The following PAPPA2 variants were observed in gnomAD, a reference collection of about 807,000 sequenced individuals.
The protein encoded by PAPPA2 is pappalysin 2, also known as pappalysin-2.
Under a neutral mutation model 176.4 loss-of-function variants are expected in PAPPA2, and 86 were observed. The observed-to-expected ratio is 0.49, with a 90% CI of 0.41 to 0.58. The LOEUF (loss-of-function observed/expected upper bound fraction) is 0.58. PAPPA2 is among the 20% of genes least tolerant of loss of function. The pLI is 0.00. For synonymous variants in PAPPA2, 809 were observed against 852.2 expected, an observed-to-expected ratio of 0.95 and a Z score of 0.88; for missense variants, 2,073 against 2,256.9, an observed-to-expected ratio of 0.92 and a Z score of 1.65.
At position 176,702,564 on chromosome 1, in the gene PAPPA2, C is replaced by T. The variant is rs558096806; in HGVS notation, c.3237-43C>T. On this transcript the variant is annotated intron_variant, in intron 8 of 22. Coordinates refer to ENST00000367662, the MANE Select transcript of PAPPA2 (RefSeq NM_020318.3). ...TCAACAAAGGACCCAGGGCATGCCT[C>T]ACTTTGTGGCTGTAGTGGTCACAAA... 24 of 1,606,452 alleles carry T rather than the reference C, an allele frequency of 1.5e-5. No homozygotes were observed. The East Asian group carries it at 2.2e-4, about 15-fold the overall frequency.
intron 1 of PAPPA2, among the ~76,000 whole-genome samples, chr1:176,524,072 A>T (rs896087818): frequency 1.3e-5 from 2 of 152,096 alleles, no homozygotes; most frequent in Admixed American, 6.5e-5. Flanking sequence ...TCCTTGAAGA[A>T]TTTTCAAGCT....
chr1:176,481,661 T>C (rs551006447), intron 1 of PAPPA2, among the ~76,000 whole-genome samples: 18 of 152,330 alleles, frequency 1.2e-4, no homozygotes, highest in Admixed American at 1.1e-3. Flanking sequence ...CTATGACTTA[T>C]ACTCCTCTGA....
At chr1:176,617,647 C>CATATAT (rs150600721) in intron 3 of PAPPA2, among the ~76,000 whole-genome samples, 103 of 147,910 alleles carry the variant, frequency 7.0e-4, no homozygotes, top group African/African-American at 2.2e-3. Context: ...TTCCATGGCG[C>CATATAT]ATATATATAT....
chr1:176,634,622 C>G (rs1015137865), intron 3 of PAPPA2, among the ~76,000 whole-genome samples: 6 of 150,914 alleles, frequency 4.0e-5, no homozygotes, highest in Non-Finnish European at 8.9e-5. Context: ...AAAAAAAACA[C>G]TTGAACCCAG....
At chr1:176,687,629 C>T (rs12084207) in intron 4 of PAPPA2, among the ~76,000 whole-genome samples, 2 of 152,208 alleles carry the variant, frequency 1.3e-5, no homozygotes, top group South Asian at 2.1e-4. Context: ...TTTTCTTTAT[C>T]TATAATTGAA....
chr1:176,470,872 T>C (rs1351186763), intron 1 of PAPPA2, among the ~76,000 whole-genome samples: 1 of 145,438 alleles, frequency 6.9e-6, no homozygotes, highest in East Asian at 2.0e-4. Flanking sequence ...TCAGTGGATT[T>C]TTTTTTTTAA....
At chr1:176,477,611 G>A (rs973754590) in intron 1 of PAPPA2, among the ~76,000 whole-genome samples, 5 of 152,042 alleles carry the variant, frequency 3.3e-5, no homozygotes, top group Non-Finnish European at 7.4e-5. Flanking sequence ...TGGGAGTGGT[G>A]GTGTGTGCCT....
intron 2 of PAPPA2, among the ~76,000 whole-genome samples, chr1:176,578,699 G>A (rs240101): frequency 0.67 from 101,446 of 152,038 alleles, 34,473 homozygotes; most frequent in East Asian, 0.93. Flanking sequence ...AAGTTTTGAA[G>A]GGCATATCCA....
At chr1:176,832,587 A>G (rs906717207) in intron 21 of PAPPA2, among the ~76,000 whole-genome samples, 1 of 152,108 alleles carries the variant, frequency 6.6e-6, no homozygotes, top group African/African-American at 2.4e-5. Flanking sequence ...TCCTGGCCTC[A>G]GGTGATCCAC....
chr1:176,840,648 A>C (rs1343102840), intron 22 of PAPPA2, among the ~76,000 whole-genome samples: 1 of 152,164 alleles, frequency 6.6e-6, no homozygotes, highest in East Asian at 1.9e-4. Flanking sequence ...AATTACATTA[A>C]TAATTTTATA....
intron 12 of PAPPA2, among the ~76,000 whole-genome samples, chr1:176,721,395 T>G (rs7540803): frequency 7.2e-5 from 11 of 152,212 alleles, no homozygotes; most frequent in Admixed American, 5.2e-4. Flanking sequence ...CTTTCTACAT[T>G]TCTATGCTTC....
chr1:176,746,054 C>T (rs1361084302), intron 14 of PAPPA2, among the ~76,000 whole-genome samples: 4 of 152,134 alleles, frequency 2.6e-5, no homozygotes, highest in African/African-American at 9.7e-5. Flanking sequence ...TGTGGAGTGT[C>T]CCTGAAACTC....
intron 1 of PAPPA2, among the ~76,000 whole-genome samples, chr1:176,545,753 A>G (rs1243171398): frequency 6.6e-6 from 1 of 152,230 alleles, no homozygotes; most frequent in Non-Finnish European, 1.5e-5. Flanking sequence ...CCACAATGTC[A>G]TAGCCTTCTT....
chr1:176,611,696 T>C (rs1160003344), intron 3 of PAPPA2, among the ~76,000 whole-genome samples: 2 of 152,240 alleles, frequency 1.3e-5, no homozygotes, highest in Admixed American at 1.3e-4. Flanking sequence ...TGTAGCATTC[T>C]TGGGGAGCTA....
chr1:176,594,732 G>A lies in PAPPA2; in HGVS notation c.1128G>A (p.Met376Ile). Residue 376 changes from methionine (M) to isoleucine (I), a missense_variant, in exon 3 of 23, where the codon ATG becomes ATA. Around this residue, in one of 4 missense-constraint regions of PAPPA2, gnomAD observed 1,196 missense variants for 1,330.4 expected, o/e 0.90. Transcript: ENST00000367662. Reference protein sequence around the residue: ...HVAATYDGRHMALYVDGTQVA... With the variant: ...HVAATYDGRHIALYVDGTQVA... The stretch of plus-strand genomic sequence containing the variant: ...CAGCCACTTACGATGGACGGCACAT[G>A]GCCCTGTATGTGGATGGCACTCAGG... The A allele has an allele frequency of 6.2e-7, 1 of 1,614,232 alleles. No individual in the cohort carries two copies. Among genetic ancestry groups the A allele is most frequent in the Non-Finnish European group, 8.5e-7 (1 of 1,180,044 alleles).
chr1:176,597,522 C>T (rs925235010), intron 3 of PAPPA2, among the ~76,000 whole-genome samples: 9 of 151,612 alleles, frequency 5.9e-5, no homozygotes, highest in African/African-American at 1.9e-4. Context: ...CATCACATAC[C>T]GGGGTCTGTC....
intron 4 of PAPPA2, among the ~76,000 whole-genome samples, chr1:176,674,779 T>C (rs1417640487): frequency 2.0e-5 from 3 of 151,730 alleles, no homozygotes; most frequent in Non-Finnish European, 4.4e-5. Flanking sequence ...TTCTTTTCCT[T>C]TGGGTAGATA....
intron 3 of PAPPA2, among the ~76,000 whole-genome samples, chr1:176,634,831 T>C (rs1656578223): frequency 1.4e-5 from 2 of 142,938 alleles, no homozygotes; most frequent in Admixed American, 6.9e-5. Context: ...GATAGATAGA[T>C]AGATAGATAG....
chr1:176,556,165 G>T lies in PAPPA2; in HGVS notation c.-158G>T, dbSNP rs1651271495. On this transcript the variant is annotated 5_prime_UTR_variant, in exon 2 of 23. Coordinates refer to ENST00000367662, the MANE Select transcript of PAPPA2 (RefSeq NM_020318.3). ...CGGCCAGCACAGGTAGCCAGCAGAG[G>T]CATTCTTGGGGCTATTTGAAAAAGT... The T allele has an allele frequency of 1.2e-6, 1 of 839,610 alleles. No homozygotes were observed. Among genetic ancestry groups the T allele is most frequent in the East Asian group, 2.5e-5 (1 of 39,910 alleles). 52.0% of individuals were successfully genotyped at this position (839,610 alleles called of 1,614,324 possible).
Sources: gnomAD v4.1 joint callset for allele counts (sites outside exome capture counted in the v4.1 genomes callset) on GRCh38, gnomAD v4.1.1 for gene constraint, gnomAD v4.1.1 regional missense constraint, MANE v1.5 for transcripts, NCBI Gene and HGNC (gene_info 2026-07-23, HGNC 2026-07-21) for gene names.